Variants in ANKRD44 observed in about 807,000 individuals in gnomAD.
The protein encoded by ANKRD44 is serine/threonine-protein phosphatase 6 regulatory ankyrin repeat subunit B.
A neutral mutation model predicts 116.0 loss-of-function variants in ANKRD44; 35 were observed. The observed-to-expected ratio is 0.30, with a 90% CI of 0.23 to 0.40. The LOEUF (loss-of-function observed/expected upper bound fraction) is 0.40, where lower values mean the gene tolerates loss of function less well. ANKRD44 is among the 10% of genes least tolerant of loss of function. The pLI, the probability that ANKRD44 is intolerant of heterozygous loss-of-function variation, is 1.00. For synonymous variants in ANKRD44, 435 were observed against 461.8 expected (o/e 0.94, Z 0.74); for missense variants, 1,014 against 1,242.6 (o/e 0.82, Z 2.77).
At chr2:197,202,522 G>A (rs1056706565) in intron 1 of ANKRD44, among the ~76,000 whole-genome samples, 7 of 152,140 alleles carry the variant, frequency 4.6e-5, no homozygotes, top group African/African-American at 1.7e-4. Context: ...AAGCTGCTCA[G>A]AACTGGTCAG....
rs547129965 is a variant in ANKRD44 at position 197,231,009 on chromosome 2, A to G, written c.28-43903T>C. ...AAAAATGGGCCCAGAAGAAAAGAATACAGGAAAGACAGCATTATTTCTGCC... is the reference window on the plus strand; with the variant it reads ...AAAAATGGGCCCAGAAGAAAAGAATGCAGGAAAGACAGCATTATTTCTGCC... On this transcript the variant is annotated intron_variant, in intron 1 of 27. Coordinates refer to ENST00000282272, the MANE Select transcript of ANKRD44 (RefSeq NM_001195144.2). Among the ~76,000 whole-genome samples the G allele has an allele frequency of 6.6e-5, 10 of 152,292 alleles. No homozygotes were observed. In the South Asian group the frequency reaches 2.1e-3, roughly 32 times the overall value.
chr2:197,196,884 A>G (rs2080962182), intron 1 of ANKRD44, among the ~76,000 whole-genome samples: 1 of 152,170 alleles, frequency 6.6e-6, no homozygotes, highest in Admixed American at 6.5e-5. Flanking sequence ...GCAAGCAGTT[A>G]AACTCTCACC....
intron 13 of ANKRD44, among the ~76,000 whole-genome samples, chr2:197,086,132 G>A (rs955217208): frequency 6.7e-6 from 1 of 150,134 alleles, no homozygotes; most frequent in African/African-American, 2.4e-5. Context: ...AGAAAGGAAG[G>A]GTAAAGAGAT....
chr2:197,047,001 TG>T (rs2077013743), intron 16 of ANKRD44, among the ~76,000 whole-genome samples: 1 of 149,674 alleles, frequency 6.7e-6, no homozygotes, highest in Admixed American at 6.8e-5. Flanking sequence ...TATCACCATT[TG>T]GTAAATAAGG....
chr2:197,234,705 G>A (rs556541196), intron 1 of ANKRD44, among the ~76,000 whole-genome samples: 2 of 152,100 alleles, frequency 1.3e-5, no homozygotes, highest in African/African-American at 4.8e-5. Flanking sequence ...CAATTTCCAC[G>A]ATCACAGAGC....
chr2:197,022,782 T>C (rs971141200), intron 17 of ANKRD44, among the ~76,000 whole-genome samples: 2 of 152,174 alleles, frequency 1.3e-5, no homozygotes, highest in Non-Finnish European at 2.9e-5. Context: ...GAGGATCACT[T>C]GAGCCCGGGA....
chr2:197,205,124 T>C (rs1245004264), intron 1 of ANKRD44, among the ~76,000 whole-genome samples: 1 of 152,206 alleles, frequency 6.6e-6, no homozygotes, highest in African/African-American at 2.4e-5. Flanking sequence ...AAACAAAGCA[T>C]ACAGACTCCT....
chr2:197,155,034 A>G (rs2079773562), intron 2 of ANKRD44, among the ~76,000 whole-genome samples: 1 of 152,260 alleles, frequency 6.6e-6, no homozygotes. Context: ...AAGAATTAAA[A>G]TGATGATAAA....
At chr2:197,078,969 T>TTGTGTGTGTG (rs59690082) in intron 15 of ANKRD44, among the ~76,000 whole-genome samples, 155 bp from the exon 16 acceptor site, 6,102 of 147,142 alleles carry the variant, frequency 0.041, 169 homozygotes, top group Middle Eastern at 0.09. Flanking sequence ...GTGTTGAAAA[T>TTGTGTGTGTG]TGTGTGTGTG....
chr2:197,116,567 T>A (rs1206161303), intron 8 of ANKRD44, among the ~76,000 whole-genome samples: 1 of 152,178 alleles, frequency 6.6e-6, no homozygotes, highest in Non-Finnish European at 1.5e-5. Context: ...TCCATCTTCA[T>A]GAAAACACGA....
At chr2:197,107,624 T>C (rs187018371) in intron 9 of ANKRD44, among the ~76,000 whole-genome samples, 73 of 152,322 alleles carry the variant, frequency 4.8e-4, no homozygotes, top group African/African-American at 1.6e-3. Context: ...GAGAAAACTA[T>C]TCAAAGTCCA....
intron 2 of ANKRD44, among the ~76,000 whole-genome samples, chr2:197,172,810 C>T (rs373784436): frequency 1.3e-5 from 2 of 152,148 alleles, no homozygotes; most frequent in Non-Finnish European, 2.9e-5. Flanking sequence ...AAGTGATCCG[C>T]CCACCTTGGC....
intron 21 of ANKRD44, among the ~76,000 whole-genome samples, chr2:196,968,083 T>G (rs757392300): frequency 3.3e-5 from 5 of 152,188 alleles, no homozygotes; most frequent in Admixed American, 1.3e-4. Flanking sequence ...ATGAGCCAAA[T>G]AAACCTCTTT....
intron 10 of ANKRD44, among the ~76,000 whole-genome samples, chr2:197,092,214 C>G (rs1188564132): frequency 6.6e-6 from 1 of 152,162 alleles, no homozygotes; most frequent in Non-Finnish European, 1.5e-5. Flanking sequence ...ACATTTCAGC[C>G]TTTTAAAATC....
intron 1 of ANKRD44, among the ~76,000 whole-genome samples, chr2:197,202,456 G>A (rs2081113749): frequency 6.6e-6 from 1 of 151,950 alleles, no homozygotes. Context: ...ATCTCACTCT[G>A]CCAGAAGAGC....
chr2:197,036,336 G>A (rs986872058), intron 16 of ANKRD44, among the ~76,000 whole-genome samples: 3 of 152,070 alleles, frequency 2.0e-5, no homozygotes, highest in African/African-American at 7.2e-5. Context: ...TCAGCTCACT[G>A]CAACCTCCAC....
chr2:197,257,282 G>A (rs1427628125), intron 1 of ANKRD44, among the ~76,000 whole-genome samples: 1 of 152,042 alleles, frequency 6.6e-6, no homozygotes, highest in Non-Finnish European at 1.5e-5. Context: ...ACCTGGGAAA[G>A]CTAAATATTT....
chr2:197,310,455 G>T, intron 1 of ANKRD44, 123 bp downstream of exon 1: 1 of 638,298 alleles, frequency 1.6e-6, no homozygotes. Flanking sequence ...GCCGCACACA[G>T]TCCTCCCCTT....
chr2:196,975,994 G>C (rs1478802647), intron 21 of ANKRD44, among the ~76,000 whole-genome samples: 1 of 151,646 alleles, frequency 6.6e-6, no homozygotes, highest in Admixed American at 6.6e-5. Context: ...TGATCAAGTA[G>C]GATTTATCCT....
Sources: gnomAD v4.1 joint callset for allele counts (sites outside exome capture counted in the v4.1 genomes callset) on GRCh38, gnomAD v4.1.1 for gene constraint, MANE v1.5 for transcripts, NCBI Gene and HGNC (gene_info 2026-07-23, HGNC 2026-07-21) for gene names.